The following WDR35 variants were observed in gnomAD, a reference collection of about 807,000 sequenced individuals.
WDR35 encodes WD repeat domain 35, also known as WD repeat-containing protein 35.
In WDR35, 118 loss-of-function variants were observed where a neutral mutation model predicts 158.3. The ratio of observed to expected loss-of-function variants is 0.75; its 90% CI spans 0.64 to 0.87. WDR35 has a LOEUF of 0.87. WDR35 is among the 40% of genes least tolerant of loss of function. The pLI, the probability that WDR35 is intolerant of heterozygous loss-of-function variation, is 0.00. For missense variants in WDR35, 1,263 were observed against 1,405.8 expected (o/e 0.90, Z 1.62); for synonymous variants, 448 against 476.1 (o/e 0.94, Z 0.77).
intron 11 of WDR35, among the ~76,000 whole-genome samples, chr2:19,956,765 C>T (rs966739813): frequency 4.0e-5 from 6 of 151,620 alleles, no homozygotes; most frequent in Non-Finnish European, 7.4e-5. Context: ...GGACTACAGG[C>T]GCGCGCCACC....
At chr2:19,942,548 A>T (rs1453560963) in intron 16 of WDR35, among the ~76,000 whole-genome samples, 8 of 150,712 alleles carry the variant, frequency 5.3e-5, no homozygotes, top group Non-Finnish European at 1.0e-4. Context: ...ATCATTAGAA[A>T]TTTTTTTTTT....
At chr2:19,927,674 G>T (rs577324873) in intron 25 of WDR35, among the ~76,000 whole-genome samples, 1 of 152,160 alleles carries the variant, frequency 6.6e-6, no homozygotes, top group Non-Finnish European at 1.5e-5. Context: ...GAATAAAAAA[G>T]CGTCTAGAAG....
Position 19,946,497 on chromosome 2 carries a change from C to T in WDR35, c.1598G>A (p.Cys533Tyr). The T allele has an allele frequency of 6.2e-7, 1 of 1,613,622 alleles. No individual in the cohort carries two copies. Among genetic ancestry groups the T allele is most frequent in the Non-Finnish European group, 8.5e-7 (1 of 1,179,702 alleles). Residue 533 changes from cysteine (C) to tyrosine (Y), a missense_variant, in exon 15 of 27, where the codon TGT (cysteine) becomes TAT (tyrosine). By Grantham distance (194) the Cys-to-Tyr change is radical. Transcript: ENST00000281405. ...VGLIQKYSLNCRAYQLSLNCN... is the reference protein window; with the variant it reads ...VGLIQKYSLNYRAYQLSLNCN... ...ATTCAAGGATAACTGGTAGGCTCGACAATTAAGGGAATATTTTTGAATCAA... is the reference window on the plus strand; with the variant it reads ...ATTCAAGGATAACTGGTAGGCTCGATAATTAAGGGAATATTTTTGAATCAA...
chr2:19,973,690 G>T lies in WDR35; in HGVS notation c.755C>A (p.Thr252Asn). The stretch of plus-strand genomic sequence containing the variant: ...CTGGATGCCTACTACGTACATGCCA[G>T]TGTCAATCAAAACGGGATCTAGTCA... ...ENDQNPVLID[T>N]GMYVVGIQWN... The change falls in exon 8 of 27, where the codon ACT becomes AAT. Residue 252 changes from threonine to asparagine, a missense_variant. Transcript: ENST00000281405. 2 of 1,614,022 alleles carry T rather than the reference G, an allele frequency of 1.2e-6. No individual in the cohort carries two copies. Among genetic ancestry groups the T allele is most frequent in the Non-Finnish European group, 1.7e-6 (2 of 1,179,944 alleles).
chr2:19,937,760 A>G lies in WDR35; in HGVS notation c.2250T>C (p.Tyr750=). 2.5e-6 allele frequency: 4 copies of G among 1,614,122 alleles called. No homozygotes were observed. The highest frequency in any genetic ancestry group is 3.4e-6 in the Non-Finnish European group (4 of 1,180,008). The part of the protein sequence containing the change: ...FGRFEEAERT[Y]LEMDRRDLAI... ...TAACTTACCTTCTGTCCATCTCGAG[A>G]TACGTTCTTTCAGCCTCTTCAAACC... The change falls in exon 19 of 27, where the codon TAT becomes TAC. Residue 750 remains tyrosine, a synonymous_variant. Coordinates refer to ENST00000281405, the MANE Select transcript of WDR35 (RefSeq NM_020779.4).
chr2:19,919,582 G>A (rs1670104780), intron 25 of WDR35, among the ~76,000 whole-genome samples: 1 of 152,144 alleles, frequency 6.6e-6, no homozygotes, highest in Non-Finnish European at 1.5e-5. Flanking sequence ...TGCATTTAAA[G>A]CAGTGTGTAG....
At chr2:19,984,510 A>C (rs1039266497) in intron 2 of WDR35, among the ~76,000 whole-genome samples, 1 of 152,256 alleles carries the variant, frequency 6.6e-6, no homozygotes, top group Admixed American at 6.5e-5. Flanking sequence ...TTGGATTTAA[A>C]AGGCATAATC....
chr2:19,982,447 A>T lies in WDR35; in HGVS notation c.214+16T>A, dbSNP rs781690579. On this transcript the variant is annotated intron_variant, in intron 3 of 26. Transcript: ENST00000281405. Reference sequence around the variant, plus strand: ...ATACCACTCAAACATGACTTAAAAGAAATTGAATGACTCACCACTATGACC... The same window carrying T: ...ATACCACTCAAACATGACTTAAAAGTAATTGAATGACTCACCACTATGACC... 1 of 1,612,638 alleles carries T rather than the reference A, an allele frequency of 6.2e-7. No individual in the cohort carries two copies. The highest frequency in any genetic ancestry group is 1.7e-5 in the Admixed American group (1 of 59,910).
At chr2:19,975,244 A>G (rs146103012) in intron 6 of WDR35, among the ~76,000 whole-genome samples, 136 of 152,330 alleles carry the variant, frequency 8.9e-4, no homozygotes, top group African/African-American at 3.2e-3. Flanking sequence ...CGCCCTACTC[A>G]TTATCTCTCT....
At chr2:19,931,933 G>A (rs908592977) in intron 23 of WDR35, among the ~76,000 whole-genome samples, 2 of 151,988 alleles carry the variant, frequency 1.3e-5, no homozygotes, top group African/African-American at 2.4e-5. Context: ...TATGTAAAGC[G>A]TAATATTTAA....
intron 11 of WDR35, 123 bp downstream of exon 11, chr2:19,960,431 G>T: frequency 1.3e-6 from 1 of 756,982 alleles, no homozygotes; most frequent in South Asian, 1.7e-5. Context: ...GACAAAGTAG[G>T]AAGTATGGTC....
At chr2:19,978,577 T>A (rs147601676) in intron 5 of WDR35, among the ~76,000 whole-genome samples, 174 bp downstream of exon 5, 45 of 152,308 alleles carry the variant, frequency 3.0e-4, no homozygotes, top group African/African-American at 1.0e-3. Context: ...TAAAAACAGA[T>A]GGTTAAAATC....
At chr2:19,983,153 G>C (rs902917707) in intron 2 of WDR35, among the ~76,000 whole-genome samples, 3 of 152,192 alleles carry the variant, frequency 2.0e-5, no homozygotes, top group African/African-American at 7.2e-5. Context: ...ACTTAATTTA[G>C]ATTGATGGGG....
At chr2:19,917,452 A>G (rs1437743736) in intron 25 of WDR35, among the ~76,000 whole-genome samples, 3 of 152,238 alleles carry the variant, frequency 2.0e-5, no homozygotes, top group African/African-American at 7.2e-5. Context: ...CCTCCAAGGT[A>G]AAGGAGCATG....
chr2:19,974,702 A>C, intron 6 of WDR35, 69 bp from the exon 7 acceptor site: 1 of 1,371,034 alleles, frequency 7.3e-7, no homozygotes, highest in East Asian at 2.5e-5. Context: ...AATACTCAAT[A>C]GAGTATTGTA....
rs1293640834 is a variant in WDR35 at position 19,974,575 on chromosome 2, A to G, written c.629T>C (p.Ile210Thr). The change falls in exon 7 of 27, where the codon ATT (isoleucine) becomes ACT (threonine). Residue 210 changes from isoleucine (I) to threonine (T), a missense_variant. Ile to Thr is a moderately conservative substitution (Grantham distance 89). Transcript: ENST00000281405. ...NVTGAISIAG[I>T]HWYHGTEGYV... ...GCCTTCTGTGCCATGGTACCAATGA[A>G]TTCCAGCAATGCTGATAGCTCCAGT... 9 of 1,613,512 alleles carry G rather than the reference A, an allele frequency of 5.6e-6. No homozygotes were observed. The highest frequency in any genetic ancestry group is 1.3e-5 in the African/African-American group (1 of 74,918).
At chr2:19,952,951 A>T (rs1376264541) in intron 12 of WDR35, among the ~76,000 whole-genome samples, 2 of 151,892 alleles carry the variant, frequency 1.3e-5, no homozygotes, top group African/African-American at 4.8e-5. Flanking sequence ...CTCCCATCTT[A>T]GCACATGAGT....
At chr2:19,924,347 A>C (rs1451924380) in intron 25 of WDR35, among the ~76,000 whole-genome samples, 1 of 151,924 alleles carries the variant, frequency 6.6e-6, no homozygotes, top group Non-Finnish European at 1.5e-5. Context: ...GGTGGATCAC[A>C]AGGTCAGGAG....
intron 16 of WDR35, among the ~76,000 whole-genome samples, chr2:19,943,618 A>T (rs1409879679): frequency 6.6e-6 from 1 of 152,096 alleles, no homozygotes; most frequent in Non-Finnish European, 1.5e-5. Context: ...TTTGAAAAAG[A>T]AGCAAATGTA....
Sources: allele counts gnomAD v4.1 joint callset (sites outside exome capture counted in the v4.1 genomes callset), GRCh38; gene constraint gnomAD v4.1.1; transcripts MANE v1.5; gene names NCBI Gene and HGNC (gene_info 2026-07-23, HGNC 2026-07-21).